ATG7: variants seen among roughly 807,000 people sequenced by gnomAD.
The protein encoded by ATG7 is autophagy related 7.
In ATG7, 70 loss-of-function variants were observed where a neutral mutation model predicts 82.4. The ratio of observed to expected loss-of-function variants is 0.85; its 90% CI spans 0.70 to 1.04. The LOEUF (loss-of-function observed/expected upper bound fraction) is 1.04, where lower values mean the gene tolerates loss of function less well. Among genes scored for constraint, ATG7 ranks in the 50% least tolerant of loss-of-function variants. The pLI is 0.00. For synonymous variants in ATG7, 287 were observed against 313.0 expected (o/e 0.92, Z 0.88); for missense variants, 792 against 864.3 (o/e 0.92, Z 1.05).
chr3:11,470,007 A>T (rs920478417), intron 20 of ATG7, among the ~76,000 whole-genome samples: 7 of 149,782 alleles, frequency 4.7e-5, no homozygotes, highest in African/African-American at 1.5e-4. Context: ...AAAAAAAAAA[A>T]AAGAGAGAGA....
downstream of ATG7, chr3:11,557,721 ATTTT>A (rs1052558967): frequency 6.5e-6 from 1 of 152,774 alleles, no homozygotes; most frequent in African/African-American, 2.4e-5. Context: ...GAAACCAGCT[ATTTT>A]TTCTCCATTA....
intron 18 of ATG7, among the ~76,000 whole-genome samples, chr3:11,367,066 TAA>T (rs955563067): frequency 1.9e-4 from 29 of 151,844 alleles, no homozygotes; most frequent in Non-Finnish European, 3.4e-4. Flanking sequence ...AGCTACTTTC[TAA>T]GAAAGAAAGT....
At chr3:11,468,966 C>T (rs949586384) in intron 20 of ATG7, among the ~76,000 whole-genome samples, 6 of 152,200 alleles carry the variant, frequency 3.9e-5, no homozygotes, top group East Asian at 1.9e-4. Context: ...AAAGCTGAAG[C>T]GGTGCACAGC....
At position 11,368,869 on chromosome 3, in the gene ATG7, C is replaced by A. The variant is rs546661715; in HGVS notation, c.1875+4135C>A. ...CATCTTTTGTCTTTAGGTGAATGAA[C>A]TCTTGGTTCTAAAGTACTGATAAAA... On this transcript the variant is annotated intron_variant, in intron 18 of 20. Coordinates refer to ENST00000693202, the MANE Select transcript of ATG7 (RefSeq NM_001349232.2). Among the ~76,000 whole-genome samples, 20 of 151,122 alleles carry A rather than the reference C, an allele frequency of 1.3e-4. 1 individual carries two copies. The South Asian group carries it at 3.8e-3, about 28-fold the overall frequency.
At chr3:11,455,667 C>G (rs944664380) in intron 20 of ATG7, among the ~76,000 whole-genome samples, 1 of 152,144 alleles carries the variant, frequency 6.6e-6, no homozygotes, top group African/African-American at 2.4e-5. Flanking sequence ...CTGCCCAGAC[C>G]GGGGCTGTCT....
intron 3 of ATG7, among the ~76,000 whole-genome samples, chr3:11,297,384 T>C (rs1206066479): frequency 2.0e-5 from 3 of 152,170 alleles, no homozygotes; most frequent in Admixed American, 2.0e-4. Flanking sequence ...TGACTGTTCA[T>C]ATGTTCTGCT....
At chr3:11,334,953 C>CA (rs57211483) in intron 11 of ATG7, among the ~76,000 whole-genome samples, 18,181 of 118,132 alleles carry the variant, frequency 0.15, 1,375 homozygotes, top group Admixed American at 0.24. Flanking sequence ...GACTCTGTCT[C>CA]AAAAAAAAAA....
intron 3 of ATG7, among the ~76,000 whole-genome samples, chr3:11,292,052 T>A (rs2152676164): frequency 6.6e-6 from 1 of 152,190 alleles, no homozygotes; most frequent in South Asian, 2.1e-4. Context: ...AGTATATCAC[T>A]GCAAGAGCCG....
At chr3:11,511,113 A>G (rs1012401158) in intron 20 of ATG7, among the ~76,000 whole-genome samples, 1 of 152,122 alleles carries the variant, frequency 6.6e-6, no homozygotes, top group African/African-American at 2.4e-5. Context: ...CCAAAGAGTG[A>G]GCAGTAGCAA....
rs567531120 is a variant in ATG7, at chr3:11,401,199, C to T, written c.1956+21147C>T. Among the ~76,000 whole-genome samples the T allele has an allele frequency of 1.2e-4, 19 of 152,304 alleles. No individual in the cohort carries two copies. The South Asian group carries it at 3.5e-3, about 28-fold the overall frequency. ...AGCTACTTCTGTTTTAACAAGCCTTCCTGGGGATTCTGAAGCATGCTCAAG... is the reference window on the plus strand; with the variant it reads ...AGCTACTTCTGTTTTAACAAGCCTTTCTGGGGATTCTGAAGCATGCTCAAG... On this transcript the variant is annotated intron_variant, in intron 19 of 20. Transcript: ENST00000693202.
At chr3:11,542,514 G>A (rs747414060) in intron 20 of ATG7, among the ~76,000 whole-genome samples, 27 of 152,020 alleles carry the variant, frequency 1.8e-4, no homozygotes, top group Non-Finnish European at 2.8e-4. Context: ...AAAAGACACC[G>A]GCAGATGTAC....
intron 20 of ATG7, among the ~76,000 whole-genome samples, chr3:11,463,126 C>A (rs2086503523): frequency 6.6e-6 from 1 of 152,104 alleles, no homozygotes; most frequent in South Asian, 2.1e-4. Context: ...CTCAGGTGAT[C>A]TGCCCTCCTC....
chr3:11,467,582 G>A (rs1297560117), intron 20 of ATG7, among the ~76,000 whole-genome samples: 4 of 152,056 alleles, frequency 2.6e-5, no homozygotes, highest in Non-Finnish European at 4.4e-5. Context: ...CACCATGTTC[G>A]CCAGGCTGGT....
chr3:11,308,967 T>A lies in ATG7; in HGVS notation c.334-17T>A. 6.2e-7 allele frequency: 1 copy of A among 1,610,218 alleles called. No homozygotes were observed. The highest frequency in any genetic ancestry group is 8.5e-7 in the Non-Finnish European group (1 of 1,176,396). On this transcript the variant is annotated splice_polypyrimidine_tract_variant and intron_variant, in intron 6 of 20. Coordinates refer to ENST00000693202, the MANE Select transcript of ATG7 (RefSeq NM_001349232.2). ...GATGCCTGGTAACCTGCCTTGATGC[T>A]TTTCTTCTTCTTGCAGATATGGGAA...
chr3:11,452,797 T>C (rs533005863), intron 20 of ATG7, among the ~76,000 whole-genome samples: 2 of 152,312 alleles, frequency 1.3e-5, no homozygotes, highest in South Asian at 2.1e-4. Flanking sequence ...GAGATAATTA[T>C]TGCAGATATT....
rs375761041 is a variant in ATG7 at position 11,433,056 on chromosome 3, C to A, written c.2079+6130C>A. On this transcript the variant is annotated intron_variant, in intron 20 of 20. Coordinates refer to ENST00000693202, the MANE Select transcript of ATG7 (RefSeq NM_001349232.2). ...CCTGAAATCCCAGCACTTTGGGAGG[C>A]TAAGTTGGGAGGATTGCTTGGGTCT... Among the ~76,000 whole-genome samples, 400 of 152,090 alleles carry A rather than the reference C, an allele frequency of 2.6e-3. 1 individual carries two copies. Among genetic ancestry groups the A allele is most frequent in the African/African-American group, 9.0e-3 (375 of 41,490 alleles).
Position 11,309,026 on chromosome 3 carries a change from G to A in ATG7, c.376G>A (p.Val126Ile). Residue 126 changes from valine to isoleucine, a missense_variant, in exon 7 of 21, where the codon GTA becomes ATA. Physicochemically the swap from Val to Ile is conservative, Grantham distance 29. Coordinates refer to ENST00000693202, the MANE Select transcript of ATG7 (RefSeq NM_001349232.2). The stretch of plus-strand genomic sequence containing the variant: ...ATCAGGCACTGCTCTTGAAAACCCT[G>A]TACTCCTCAACAAGTTCCTCCTCTT... ...IKSGTALENP[V>I]LLNKFLLLTF... The A allele has an allele frequency of 6.2e-7, 1 of 1,614,076 alleles. No individual in the cohort carries two copies. Among genetic ancestry groups the A allele is most frequent in the Non-Finnish European group, 8.5e-7 (1 of 1,179,952 alleles).
intron 1 of ATG7, among the ~76,000 whole-genome samples, chr3:11,274,273 A>G (rs568505501): frequency 6.6e-6 from 1 of 152,312 alleles, no homozygotes; most frequent in African/African-American, 2.4e-5. Flanking sequence ...TACAAAAATG[A>G]GTAAGATACA....
chr3:11,524,205 A>G (rs765000100), intron 20 of ATG7, among the ~76,000 whole-genome samples: 26 of 152,006 alleles, frequency 1.7e-4, no homozygotes, highest in Non-Finnish European at 2.8e-4. Context: ...CCCCTTCACT[A>G]GCTGTGCTGT....
Sources: allele counts gnomAD v4.1 joint callset (sites outside exome capture counted in the v4.1 genomes callset), GRCh38; gene constraint gnomAD v4.1.1; transcripts MANE v1.5; gene names NCBI Gene and HGNC (gene_info 2026-07-23, HGNC 2026-07-21).